The following SERAC1 variants were observed in gnomAD, a reference collection of about 807,000 sequenced individuals.
The protein encoded by SERAC1 is serine active site containing 1.
Under a neutral mutation model 85.7 loss-of-function variants are expected in SERAC1, and 36 were observed. The ratio of observed to expected loss-of-function variants is 0.42; its 90% CI spans 0.32 to 0.55. The LOEUF (loss-of-function observed/expected upper bound fraction) is 0.55, where lower values mean the gene tolerates loss of function less well. Among genes scored for constraint, SERAC1 ranks in the 20% least tolerant of loss-of-function variants. The pLI, the probability that SERAC1 is intolerant of heterozygous loss-of-function variation, is 0.11. For missense variants in SERAC1, 629 were observed against 796.2 expected (o/e 0.79, Z 2.53); for synonymous variants, 242 against 265.3 (o/e 0.91, Z 0.85).
intron 10 of SERAC1, among the ~76,000 whole-genome samples, chr6:158,125,768 C>T (rs1784525348): frequency 6.6e-6 from 1 of 152,060 alleles, no homozygotes; most frequent in Non-Finnish European, 1.5e-5. Context: ...TACAACAATA[C>T]CACAAAGAAT....
Position 158,158,355 on chromosome 6 carries a change from C to A in SERAC1, c.9G>T (p.Leu3=), listed in dbSNP as rs763163272. The A allele has an allele frequency of 3.7e-6, 6 of 1,612,564 alleles. No individual in the cohort carries two copies. In the African/African-American group the frequency reaches 8.0e-5, roughly 22 times the overall value. Residue 3 remains leucine (L), a synonymous_variant, in exon 2 of 17, where the codon CTG becomes CTT. Coordinates refer to ENST00000647468, the MANE Select transcript of SERAC1 (RefSeq NM_032861.4). MS[L]AAYCVICCRR... ...TGCAACAGATGACGCAATAAGCAGC[C>A]AGGGACATTCTGTGTAAGTAGAACA...
At chr6:158,161,943 CA>C in intron 1 of SERAC1, 1 of 151,804 alleles carries the variant, frequency 6.6e-6, no homozygotes, top group Non-Finnish European at 1.5e-5. Flanking sequence ...TTCCTTCCCA[CA>C]AAAAAAACGT....
intron 15 of SERAC1, chr6:158,114,342 G>T (rs374918804): frequency 3.6e-6 from 1 of 281,132 alleles, no homozygotes; most frequent in Non-Finnish European, 5.4e-6. Flanking sequence ...TTAGGCTCGA[G>T]CCAGGGAATC....
chr6:158,125,443 C>T (rs1784518041), intron 10 of SERAC1, among the ~76,000 whole-genome samples: 1 of 152,166 alleles, frequency 6.6e-6, no homozygotes, highest in African/African-American at 2.4e-5. Context: ...TGGCCAGAAC[C>T]TTGATCTTGA....
At chr6:158,118,392 T>TAA (rs906084217) in intron 12 of SERAC1, among the ~76,000 whole-genome samples, 2 of 152,212 alleles carry the variant, frequency 1.3e-5, no homozygotes, top group African/African-American at 4.8e-5. Context: ...GAGCTTTAGA[T>TAA]AAATTCCATT....
At position 158,117,266 on chromosome 6, in the gene SERAC1, C is replaced by T. The variant is rs192158968; in HGVS notation, c.1403+461G>A. 54 of 502,148 alleles carry T rather than the reference C, an allele frequency of 1.1e-4. No individual in the cohort carries two copies. Among genetic ancestry groups the T allele is most frequent in the Middle Eastern group, 1.1e-3 (2 of 1,876 alleles). 31.1% of individuals were successfully genotyped at this position (502,148 alleles called of 1,614,324 possible). On this transcript the variant is annotated intron_variant, in intron 13 of 16. Coordinates refer to ENST00000647468, the MANE Select transcript of SERAC1 (RefSeq NM_032861.4). The surrounding 1 kb of genome is among the most constrained non-coding windows in gnomAD (Gnocchi z 4.3). ...TGCACAGCAAATCAAAGGTAGGATC[C>T]GGCTACTCTCAGTCCAGTAACTCTG... is the stretch of plus-strand genomic sequence containing the variant.
At chr6:158,144,637 CGGG>C (rs1785010453) in intron 6 of SERAC1, among the ~76,000 whole-genome samples, 1 of 152,130 alleles carries the variant, frequency 6.6e-6, no homozygotes, top group African/African-American at 2.4e-5. Context: ...ATATGGAGAC[CGGG>C]TCACAGCCTA....
intron 1 of SERAC1, among the ~76,000 whole-genome samples, chr6:158,166,594 T>A (rs1388663668): frequency 2.0e-5 from 3 of 152,206 alleles, no homozygotes; most frequent in Non-Finnish European, 4.4e-5. Context: ...AACTGACATC[T>A]TTTTGTTGAG....
chr6:158,124,749 AC>A (rs879843776), intron 10 of SERAC1, among the ~76,000 whole-genome samples: 60 of 28,522 alleles, frequency 2.1e-3, no homozygotes, highest in Non-Finnish European at 4.1e-3. Flanking sequence ...ATGCTGGAAA[AC>A]ACACACACAC....
intron 1 of SERAC1, among the ~76,000 whole-genome samples, chr6:158,165,510 C>G (rs1488773062): frequency 6.6e-6 from 1 of 152,150 alleles, no homozygotes; most frequent in Admixed American, 6.6e-5. Flanking sequence ...TACGATCTTT[C>G]CTGACCTATC....
At chr6:158,137,072 C>A (rs1037615086) in intron 8 of SERAC1, among the ~76,000 whole-genome samples, 4 of 151,584 alleles carry the variant, frequency 2.6e-5, no homozygotes, top group Non-Finnish European at 5.9e-5. Context: ...GCAGGAGAAT[C>A]GCTTGAATGC....
At chr6:158,149,425 T>C (rs1018412904) in intron 4 of SERAC1, among the ~76,000 whole-genome samples, 1 of 152,198 alleles carries the variant, frequency 6.6e-6, no homozygotes, top group Admixed American at 6.5e-5. Flanking sequence ...AAAACCATTA[T>C]GGAAACACAG....
Position 158,114,958 on chromosome 6 carries a change from T to C in SERAC1, c.1515A>G (p.Lys505=). The C allele has an allele frequency of 6.2e-7, 1 of 1,611,418 alleles. No homozygotes were observed. Among genetic ancestry groups the C allele is most frequent in the East Asian group, 2.2e-5 (1 of 44,740 alleles). Residue 505 remains lysine, a synonymous_variant, in exon 15 of 17, where the codon AAA becomes AAG. Transcript: ENST00000647468. The part of the protein sequence containing the change: ...ISHSMGGLLV[K]KMLLEASTKP... ...TCGTAGAGGCTTCCAACAGCATCTT[T>C]TTGACAAGAAGACCTAGCCACAGAC...
At chr6:158,152,220 A>C (rs1245466905) in intron 3 of SERAC1, among the ~76,000 whole-genome samples, 1 of 152,184 alleles carries the variant, frequency 6.6e-6, no homozygotes, top group Non-Finnish European at 1.5e-5. Context: ...GCCTTTAAAG[A>C]AAACACAAAG....
In SERAC1 at chr6:158,148,936, C is replaced by G. The variant is rs1307864794; in HGVS notation, c.284G>C (p.Arg95Thr). The change falls in exon 5 of 17, where the codon AGA becomes ACA. Residue 95 changes from arginine to threonine, a missense_variant. Transcript: ENST00000647468. ...TCTTACTGCTTTGTGAAGTTCTTTT[C>G]TTGCCTGCCAGGCAATACCTAAAAT... ...GENHGIAWQA[R>T]KELHKAVRKV... 1.2e-6 allele frequency: 2 copies of G among 1,610,208 alleles called. No individual in the cohort carries two copies. Among genetic ancestry groups the G allele is most frequent in the East Asian group, 4.5e-5 (2 of 44,772 alleles).
chr6:158,151,632 A>G (rs1252369139), intron 3 of SERAC1, among the ~76,000 whole-genome samples: 1 of 152,056 alleles, frequency 6.6e-6, no homozygotes, highest in Non-Finnish European at 1.5e-5. Context: ...TCGCCATGTT[A>G]GCCAGGATGG....
chr6:158,115,047 C>T (rs1009433049), intron 14 of SERAC1, 76 bp from the exon 15 acceptor site: 30 of 1,432,200 alleles, frequency 2.1e-5, no homozygotes, highest in Non-Finnish European at 2.7e-5. Flanking sequence ...AAGAAAAGGC[C>T]AAACAAGAAA....
At chr6:158,160,341 A>G (rs1455713700) in intron 1 of SERAC1, among the ~76,000 whole-genome samples, 2 of 152,198 alleles carry the variant, frequency 1.3e-5, no homozygotes, top group African/African-American at 2.4e-5. Context: ...CTGACTCTCT[A>G]GTGCAAAACA....
chr6:158,141,515 C>T (rs1289260664), intron 8 of SERAC1, among the ~76,000 whole-genome samples: 2 of 152,206 alleles, frequency 1.3e-5, no homozygotes, highest in African/African-American at 4.8e-5. Flanking sequence ...TTGTTCTGCT[C>T]CGTCACTTAG....
Sources: allele counts gnomAD v4.1 joint callset (sites outside exome capture counted in the v4.1 genomes callset), GRCh38; gene constraint gnomAD v4.1.1; non-coding constraint Gnocchi (gnomAD v3.1); transcripts MANE v1.5; gene names NCBI Gene and HGNC (gene_info 2026-07-23, HGNC 2026-07-21).